Variants in TBC1D16 observed in about 807,000 individuals in gnomAD.
TBC1D16 encodes the protein TBC1 domain family member 16.
TBC1D16 carries 58 observed loss-of-function variants against 74.7 expected under a neutral mutation model. The ratio of observed to expected loss-of-function variants is 0.78; its 90% CI spans 0.63 to 0.97. The LOEUF (loss-of-function observed/expected upper bound fraction) is 0.97, where lower values mean the gene tolerates loss of function less well. TBC1D16 is among the 50% of genes least tolerant of loss of function. The pLI is 0.00. For missense variants in TBC1D16, 1,014 were observed against 1,079.5 expected (o/e 0.94, Z 0.85); for synonymous variants, 493 against 474.7 (o/e 1.04, Z -0.50).
At chr17:80,012,326 G>A (rs932967801) in intron 2 of TBC1D16, among the ~76,000 whole-genome samples, 22 of 152,124 alleles carry the variant, frequency 1.4e-4, no homozygotes, top group African/African-American at 4.1e-4. Flanking sequence ...GGCAACCTCC[G>A]GGTCGAGGGG....
At chr17:79,999,186 G>A (rs2035390940) in intron 3 of TBC1D16, among the ~76,000 whole-genome samples, 1 of 151,968 alleles carries the variant, frequency 6.6e-6, no homozygotes, top group Non-Finnish European at 1.5e-5. Context: ...AACTCAGGAG[G>A]TGGAGGTTGC....
intron 3 of TBC1D16, among the ~76,000 whole-genome samples, chr17:79,955,853 G>C (rs1187215473): frequency 6.6e-6 from 1 of 152,232 alleles, no homozygotes; most frequent in Non-Finnish European, 1.5e-5. Flanking sequence ...TGCCATGTCA[G>C]ATACAGAGAT....
intron 3 of TBC1D16, among the ~76,000 whole-genome samples, chr17:79,989,151 A>G (rs897002762): frequency 5.3e-5 from 8 of 152,202 alleles, no homozygotes; most frequent in Admixed American, 1.3e-4. Flanking sequence ...AGGACCACTC[A>G]AGACCCTCAA....
At position 79,980,840 on chromosome 17, in the gene TBC1D16, C is replaced by T. The variant is rs1013671619; in HGVS notation, c.780-28022G>A. Among the ~76,000 whole-genome samples the T allele has an allele frequency of 2.6e-5, 4 of 152,264 alleles. 1 individual carries two copies. The highest frequency in any genetic ancestry group is 1.3e-4 in the Admixed American group (2 of 15,294). On this transcript the variant is annotated intron_variant, in intron 3 of 11. Coordinates refer to ENST00000310924, the MANE Select transcript of TBC1D16 (RefSeq NM_019020.4). This position sits in a 1 kb window ranked among gnomAD's most constrained non-coding sequence, Gnocchi z 7.0. The stretch of plus-strand genomic sequence containing the variant: ...CTGCCCGAATCTGTGCCCTGGTCCC[C>T]GTTACTGTTCCTGCAGGCTGGAAGG...
Position 80,018,711 on chromosome 17 carries a change from C to A in TBC1D16, c.-62-5102G>T, listed in dbSNP as rs529652723. On this transcript the variant is annotated intron_variant, in intron 1 of 11. Coordinates refer to ENST00000310924, the MANE Select transcript of TBC1D16 (RefSeq NM_019020.4). ...GAAACTCCTGGGCTCAAGGAATCCT[C>A]CTGCCCAGTCTCCCAAATAGCCTGG... Among the ~76,000 whole-genome samples, 3 of 149,418 alleles carry A rather than the reference C, an allele frequency of 2.0e-5. No homozygotes were observed. In the East Asian group the frequency reaches 5.8e-4, roughly 29 times the overall value.
In TBC1D16 at chr17:79,936,939, T is replaced by TGC. The variant is rs869235595; in HGVS notation, c.*3918_*3919dup. 2.2e-3 allele frequency: 322 copies of TGC among 148,952 alleles called. 6 individuals are homozygous for TGC. The East Asian group carries it at 0.05, about 23-fold the overall frequency. 9.2% of individuals were successfully genotyped at this position (148,952 alleles called of 1,614,324 possible). A position where few individuals can be genotyped will look rare whatever the true frequency, so the allele number is the denominator to read the frequency against. On this transcript the variant is annotated 3_prime_UTR_variant, in exon 12 of 12. Transcript: ENST00000310924. ...GTGTGTGTGTGTGTGTGTGTGTGTG[T>TGC]GCGCATTTTCCCAGGGGACCTCTCC...
chr17:80,017,168 T>C (rs1204110121), intron 1 of TBC1D16, among the ~76,000 whole-genome samples: 1 of 152,076 alleles, frequency 6.6e-6, no homozygotes, highest in East Asian at 1.9e-4. Context: ...AAACTTGTTC[T>C]GCAAAAGGCC....
chr17:79,999,954 A>G (rs1954462386), intron 3 of TBC1D16, among the ~76,000 whole-genome samples: 1 of 151,810 alleles, frequency 6.6e-6, no homozygotes, highest in Admixed American at 6.6e-5. Context: ...GACCAGACTC[A>G]CTCGCTCAGC....
chr17:80,022,222 T>C (rs2036310275), intron 1 of TBC1D16, among the ~76,000 whole-genome samples: 3 of 150,078 alleles, frequency 2.0e-5, no homozygotes, highest in Admixed American at 1.3e-4. Flanking sequence ...GAGCAGTTCA[T>C]TGAGTGTTTA....
rs147673750 is a variant in TBC1D16 at position 79,947,488 on chromosome 17, C to T, written c.1728+157G>A. Among the ~76,000 whole-genome samples the T allele has an allele frequency of 7.8e-3, 1,186 of 152,260 alleles. 16 individuals carry two copies. The highest frequency in any genetic ancestry group is 0.014 in the Middle Eastern group (4 of 292). On this transcript the variant is annotated intron_variant, in intron 9 of 11. Transcript: ENST00000310924. ...CCCCGGAGGCCGAGATAGGCTAAGC[C>T]GCCCATATCCCACGGGCAAGTCCTA...
At chr17:80,013,271 T>C (rs781723523) in intron 2 of TBC1D16, 96 bp downstream of exon 2, 19 of 1,187,852 alleles carry the variant, frequency 1.6e-5, no homozygotes, top group Admixed American at 2.8e-5. Flanking sequence ...AGGAACCAAA[T>C]GCACTCTCAC....
At chr17:80,030,882 G>A (rs542071011) in intron 1 of TBC1D16, among the ~76,000 whole-genome samples, 9 of 152,362 alleles carry the variant, frequency 5.9e-5, no homozygotes, top group Admixed American at 3.3e-4. Context: ...CGGTCACCTG[G>A]CACATGGCCG....
At chr17:79,977,892 A>T (rs2034400041) in intron 3 of TBC1D16, among the ~76,000 whole-genome samples, 1 of 152,216 alleles carries the variant, frequency 6.6e-6, no homozygotes, top group South Asian at 2.1e-4. Context: ...GAAGAGGCAG[A>T]GCAATAAAGC....
At chr17:79,976,403 G>GA (rs1206463068) in intron 3 of TBC1D16, among the ~76,000 whole-genome samples, 1 of 152,214 alleles carries the variant, frequency 6.6e-6, no homozygotes, top group African/African-American at 2.4e-5. Flanking sequence ...GGACATTTGG[G>GA]AAGAGGAGTT....
intron 3 of TBC1D16, among the ~76,000 whole-genome samples, chr17:79,989,040 T>C (rs2034961460): frequency 6.6e-6 from 1 of 152,114 alleles, no homozygotes; most frequent in South Asian, 2.1e-4. Flanking sequence ...ACACCATGAT[T>C]AGGGAAACTC....
Position 79,938,052 on chromosome 17 carries a change from G to A in TBC1D16, c.*2807C>T, listed in dbSNP as rs960257045. 2.6e-5 allele frequency: 4 copies of A among 152,248 alleles called. No homozygotes were observed. The highest frequency in any genetic ancestry group is 6.5e-5 in the Admixed American group (1 of 15,292). The allele number at this position is 152,248 out of a possible 1,614,324, so 9.4% of individuals were successfully genotyped here. A position where few individuals can be genotyped will look rare whatever the true frequency, so the allele number is the denominator to read the frequency against. ...TTATCCCCTATTTGCACGTTCTGGC[G>A]GTGGGAAGGCTAGAAGTCTAATGAC... is the stretch of plus-strand genomic sequence containing the variant. On this transcript the variant is annotated 3_prime_UTR_variant, in exon 12 of 12. Coordinates refer to ENST00000310924, the MANE Select transcript of TBC1D16 (RefSeq NM_019020.4).
Position 79,961,078 on chromosome 17 carries a change from C to G in TBC1D16, c.780-8260G>C, listed in dbSNP as rs2033595724. Reference sequence around the variant, plus strand: ...AGAAAACAGGAAATGACACAAACGTCTTTCAGCTGGTGAATGGCTAAACAA... The same window carrying G: ...AGAAAACAGGAAATGACACAAACGTGTTTCAGCTGGTGAATGGCTAAACAA... On this transcript the variant is annotated intron_variant, in intron 3 of 11. Transcript: ENST00000310924. The surrounding 1 kb of genome is among the most constrained non-coding windows in gnomAD (Gnocchi z 4.8). Among the ~76,000 whole-genome samples the G allele has an allele frequency of 6.6e-6, 1 of 152,184 alleles. No individual in the cohort carries two copies. Among genetic ancestry groups the G allele is most frequent in the Non-Finnish European group, 1.5e-5 (1 of 68,032 alleles).
chr17:79,991,877 A>G (rs1201597021), intron 3 of TBC1D16: 1 of 97,898 alleles, frequency 1.0e-5, no homozygotes, highest in Non-Finnish European at 1.9e-5. Flanking sequence ...CCATCTTCAC[A>G]GAGGCTCCGG....
chr17:79,972,621 A>C (rs1392824586), intron 3 of TBC1D16, among the ~76,000 whole-genome samples: 2 of 152,244 alleles, frequency 1.3e-5, no homozygotes, highest in Admixed American at 6.5e-5. Flanking sequence ...TCTCAGAGGC[A>C]GAAAGTAGAA....
Sources: gnomAD v4.1 joint callset for allele counts (sites outside exome capture counted in the v4.1 genomes callset) on GRCh38, gnomAD v4.1.1 for gene constraint, Gnocchi (gnomAD v3.1) non-coding constraint, MANE v1.5 for transcripts, NCBI Gene and HGNC (gene_info 2026-07-23, HGNC 2026-07-21) for gene names.